Variants in ANKRD11 observed in about 807,000 individuals in gnomAD.
ANKRD11 encodes the protein ankyrin repeat domain 11, also known as ankyrin repeat domain-containing protein 11.
Under a neutral mutation model 195.7 loss-of-function variants are expected in ANKRD11, and 17 were observed. The ratio of observed to expected loss-of-function variants is 0.09; its 90% confidence interval spans 0.06 to 0.13. The LOEUF is 0.13. Among genes scored for constraint, ANKRD11 ranks in the 10% least tolerant of loss-of-function variants. The pLI, the probability that ANKRD11 is intolerant of heterozygous loss-of-function variation, is 1.00. For missense variants in ANKRD11, 3,735 were observed against 3,566.1 expected (o/e 1.05, Z -1.21); for synonymous variants, 1,953 against 1,528.1 (o/e 1.28, Z -6.49).
chr16:89,488,743 T>A (rs2057704688), intron 1 of ANKRD11, among the ~76,000 whole-genome samples: 1 of 152,160 alleles, frequency 6.6e-6, no homozygotes, highest in Non-Finnish European at 1.5e-5. Flanking sequence ...ATTCTCTAAG[T>A]TTTGCAGTTC....
chr16:89,376,245 G>A (rs1236131557), intron 2 of ANKRD11, among the ~76,000 whole-genome samples: 1 of 152,160 alleles, frequency 6.6e-6, no homozygotes, highest in East Asian at 1.9e-4. Context: ...TACAACAACT[G>A]AAAGTAAAAG....
intron 1 of ANKRD11, among the ~76,000 whole-genome samples, chr16:89,469,952 C>T (rs1257796758): frequency 2.6e-5 from 4 of 151,170 alleles, no homozygotes; most frequent in Admixed American, 2.6e-4. Flanking sequence ...GTCGCTCAGG[C>T]TGGAGCGCAG....
chr16:89,283,511 TCTC>T lies in ANKRD11; in HGVS notation c.3028_3030del (p.Glu1010del), dbSNP rs1037965062. Reference sequence around the variant, plus strand: ...CTTTCCTTATCGGGGCCATCCTTCTTCTCCTTCTCTCGTGCTGGGTGGTGCCGT... The same window carrying T: ...CTTTCCTTATCGGGGCCATCCTTCTTCTTCTCTCGTGCTGGGTGGTGCCGT... On this transcript the variant is annotated inframe_deletion, in exon 9 of 13. Transcript: ENST00000301030. The surrounding 1 kb of genome is among the most constrained non-coding windows in gnomAD (Gnocchi z 4.3). 1.2e-6 allele frequency: 2 copies of T among 1,613,750 alleles called. No individual in the cohort carries two copies. Among genetic ancestry groups the T allele is most frequent in the South Asian group, 1.1e-5 (1 of 91,092 alleles).
At chr16:89,489,243 G>C (rs12918079) in intron 1 of ANKRD11, 2 of 141,376 alleles carry the variant, frequency 1.4e-5, no homozygotes, top group Non-Finnish European at 3.2e-5. Flanking sequence ...GCGCGCGCGC[G>C]CGCACACACA....
At chr16:89,402,964 C>T (rs1470264594) in intron 2 of ANKRD11, among the ~76,000 whole-genome samples, 1 of 152,164 alleles carries the variant, frequency 6.6e-6, no homozygotes, top group Non-Finnish European at 1.5e-5. Flanking sequence ...GACCTCTTTT[C>T]CGCCTGGGCT....
chr16:89,357,282 T>G lies in ANKRD11; in HGVS notation c.-59-40204A>C, dbSNP rs543600913. Among the ~76,000 whole-genome samples the G allele has an allele frequency of 1.1e-3, 166 of 151,972 alleles. 2 individuals are homozygous for G. Among genetic ancestry groups the G allele is most frequent in the African/African-American group, 3.5e-3 (147 of 41,444 alleles). ...AAATCTGCTGATAAAAGTCACACCA[T>G]GAAGGAAGGGCAGTCAGGGACTGTG... On this transcript the variant is annotated intron_variant, in intron 2 of 12. Transcript: ENST00000301030.
intron 1 of ANKRD11, among the ~76,000 whole-genome samples, chr16:89,420,736 G>A (rs1270238367): frequency 6.6e-6 from 1 of 152,082 alleles, no homozygotes; most frequent in Non-Finnish European, 1.5e-5. Context: ...TTTCTTAAGA[G>A]ACAGGGTCTC....
chr16:89,320,461 G>T (rs934869627), intron 2 of ANKRD11: 1 of 152,348 alleles, frequency 6.6e-6, no homozygotes, highest in East Asian at 1.9e-4. Flanking sequence ...TGTGCTGAGC[G>T]GCAAGGCACA....
intron 2 of ANKRD11, among the ~76,000 whole-genome samples, chr16:89,376,961 C>A (rs1270230754): frequency 6.6e-6 from 1 of 152,214 alleles, no homozygotes; most frequent in Non-Finnish European, 1.5e-5. Flanking sequence ...AAGATAAACA[C>A]CAGCTGCCAG....
chr16:89,308,348 T>C (rs576851031), intron 3 of ANKRD11, among the ~76,000 whole-genome samples: 2 of 152,334 alleles, frequency 1.3e-5, no homozygotes, highest in East Asian at 3.9e-4. Flanking sequence ...TCCACACTGT[T>C]TGTGATGTGG....
chr16:89,356,567 C>A (rs1238359362), intron 2 of ANKRD11, among the ~76,000 whole-genome samples: 9 of 148,870 alleles, frequency 6.0e-5, no homozygotes. Context: ...GTCAGGAGAT[C>A]GAGACCATCC....
chr16:89,488,142 ACAG>A (rs2057682991), intron 1 of ANKRD11, among the ~76,000 whole-genome samples: 1 of 152,202 alleles, frequency 6.6e-6, no homozygotes, highest in Non-Finnish European at 1.5e-5. Context: ...CAAAAATAGA[ACAG>A]AAGAAAAAAA....
At chr16:89,462,701 G>C (rs1187893197) in intron 1 of ANKRD11, among the ~76,000 whole-genome samples, 2 of 150,534 alleles carry the variant, frequency 1.3e-5, no homozygotes, top group Admixed American at 1.3e-4. Flanking sequence ...CTGAGATGTG[G>C]GGAGCGCCTC....
chr16:89,399,151 G>T (rs1052209134), intron 2 of ANKRD11, among the ~76,000 whole-genome samples: 1 of 152,198 alleles, frequency 6.6e-6, no homozygotes, highest in African/African-American at 2.4e-5. Context: ...TGATGACACA[G>T]CACGAGTCCA....
At chr16:89,461,586 T>C (rs2056671846) in intron 1 of ANKRD11, among the ~76,000 whole-genome samples, 1 of 152,050 alleles carries the variant, frequency 6.6e-6, no homozygotes, top group East Asian at 1.9e-4. Context: ...CGTTATCTGC[T>C]TCCCTCGGCC....
At chr16:89,391,450 T>G (rs1567739592) in intron 2 of ANKRD11, among the ~76,000 whole-genome samples, 1 of 152,118 alleles carries the variant, frequency 6.6e-6, no homozygotes, top group Non-Finnish European at 1.5e-5. Context: ...CCAGCTGGTG[T>G]CCGCCACAGA....
At chr16:89,272,812 T>TTCAG (rs1161669050) in intron 11 of ANKRD11, 1 of 151,754 alleles carries the variant, frequency 6.6e-6, no homozygotes, top group African/African-American at 2.4e-5. Context: ...CGGAGTACTA[T>TTCAG]TCAGCCACAA....
chr16:89,406,317 C>A (rs977442598), intron 2 of ANKRD11, among the ~76,000 whole-genome samples: 2 of 152,192 alleles, frequency 1.3e-5, no homozygotes, highest in Non-Finnish European at 2.9e-5. Context: ...AGCACAGACC[C>A]TCACTGCCAG....
intron 6 of ANKRD11, 194 bp from the exon 7 acceptor site, chr16:89,288,864 G>A (rs772801553): frequency 3.0e-5 from 21 of 704,226 alleles, no homozygotes; most frequent in South Asian, 1.5e-4. Flanking sequence ...GTGGCACCTC[G>A]TTAGCACGAT....
Sources: gnomAD v4.1 joint callset for allele counts (sites outside exome capture counted in the v4.1 genomes callset) on GRCh38, gnomAD v4.1.1 for gene constraint, Gnocchi (gnomAD v3.1) non-coding constraint, MANE v1.5 for transcripts, NCBI Gene and HGNC (gene_info 2026-07-23, HGNC 2026-07-21) for gene names.